Variants in GRIA4 observed in about 807,000 individuals in gnomAD.
The protein encoded by GRIA4 is glutamate ionotropic receptor AMPA type subunit 4, also known as glutamate receptor 4.
In GRIA4, 34 loss-of-function variants were observed where a neutral mutation model predicts 104.0. The ratio of observed to expected loss-of-function variants is 0.33; its 90% confidence interval spans 0.25 to 0.44. The LOEUF is 0.44. Ranked by LOEUF, GRIA4 falls within the 20% of genes least tolerant of loss-of-function variation. The pLI is 1.00. For synonymous variants in GRIA4, 386 were observed against 381.9 expected (o/e 1.01, Z -0.13); for missense variants, 750 against 1,096.5 (o/e 0.68, Z 4.46).
At chr11:105,730,960 G>C (rs1263355205) in intron 3 of GRIA4, among the ~76,000 whole-genome samples, 1 of 152,040 alleles carries the variant, frequency 6.6e-6, no homozygotes, top group Non-Finnish European at 1.5e-5. Context: ...TCAGAACACA[G>C]GCCTGGGCAA....
intron 9 of GRIA4, 69 bp downstream of exon 9, chr11:105,905,370 T>A: frequency 2.4e-6 from 2 of 848,636 alleles, no homozygotes; most frequent in Non-Finnish European, 4.0e-6. Context: ...TTTAAAGGTG[T>A]ACAGAAGAAA....
At chr11:105,969,007 T>C (rs1018526098) in intron 14 of GRIA4, among the ~76,000 whole-genome samples, 1 of 152,200 alleles carries the variant, frequency 6.6e-6, no homozygotes, top group East Asian at 1.9e-4. Flanking sequence ...TTCTATACTT[T>C]ATTCTGCTTC....
intron 6 of GRIA4, among the ~76,000 whole-genome samples, chr11:105,889,927 A>G (rs1591402851): frequency 6.6e-6 from 1 of 152,280 alleles, no homozygotes; most frequent in East Asian, 1.9e-4. Context: ...TACAATTACA[A>G]TTTACAATTA....
At chr11:105,752,920 C>A (rs1422742063) in intron 3 of GRIA4, 61 bp from the exon 4 acceptor site, 10 of 1,520,268 alleles carry the variant, frequency 6.6e-6, no homozygotes, top group Admixed American at 1.7e-5. Context: ...AGAATGTAGA[C>A]TTCAAAGTCA....
intron 6 of GRIA4, among the ~76,000 whole-genome samples, chr11:105,890,539 TC>T (rs1397887334): frequency 6.6e-6 from 1 of 152,240 alleles, no homozygotes; most frequent in Non-Finnish European, 1.5e-5. Flanking sequence ...TCAATCTCCT[TC>T]ATCATTCTAT....
At chr11:105,826,767 T>C (rs1943785161) in intron 4 of GRIA4, among the ~76,000 whole-genome samples, 1 of 152,068 alleles carries the variant, frequency 6.6e-6, no homozygotes, top group Non-Finnish European at 1.5e-5. Flanking sequence ...TGAATCTTCA[T>C]AATACTTTTA....
At chr11:105,720,547 C>G (rs1214088827) in intron 3 of GRIA4, among the ~76,000 whole-genome samples, 1 of 152,128 alleles carries the variant, frequency 6.6e-6, no homozygotes, top group Non-Finnish European at 1.5e-5. Flanking sequence ...CTAAAAAGCG[C>G]AATTTATGAT....
chr11:105,795,397 T>G (rs1308009792), intron 4 of GRIA4, among the ~76,000 whole-genome samples: 1 of 152,170 alleles, frequency 6.6e-6, no homozygotes, highest in Non-Finnish European at 1.5e-5. Context: ...GGAGAAGTCA[T>G]GCCTTGGCTC....
In GRIA4 at chr11:105,666,935, C is replaced by T. The variant is rs562953422; in HGVS notation, c.247+54501C>T. Among the ~76,000 whole-genome samples the T allele has an allele frequency of 3.3e-5, 5 of 151,826 alleles. No homozygotes were observed. The East Asian group carries it at 9.7e-4, about 30-fold the overall frequency. ...TATCTCTGTGGGGTTTTGCAGCACACGGTCTGTGCATACTCTCAAGATCAC... is the reference window on the plus strand; with the variant it reads ...TATCTCTGTGGGGTTTTGCAGCACATGGTCTGTGCATACTCTCAAGATCAC... On this transcript the variant is annotated intron_variant, in intron 3 of 16. Transcript: ENST00000282499.
chr11:105,900,384 T>A (rs1397693571), intron 7 of GRIA4, among the ~76,000 whole-genome samples: 1 of 152,128 alleles, frequency 6.6e-6, no homozygotes, highest in Non-Finnish European at 1.5e-5. Context: ...TCCAAGTGCA[T>A]GATCCTCTGC....
chr11:105,612,715 T>C, intron 3 of GRIA4: 1 of 305,650 alleles, frequency 3.3e-6, no homozygotes, highest in Non-Finnish European at 6.0e-6. Context: ...ATCATTCAAG[T>C]TAAATTTTCC....
intron 4 of GRIA4, among the ~76,000 whole-genome samples, chr11:105,839,665 G>A (rs1020462680): frequency 8.6e-5 from 13 of 151,258 alleles, no homozygotes; most frequent in African/African-American, 2.2e-4. Context: ...CCGAGATTGC[G>A]CCACCGCACC....
chr11:105,692,808 T>C (rs1407284492), intron 3 of GRIA4, among the ~76,000 whole-genome samples: 3 of 152,230 alleles, frequency 2.0e-5, no homozygotes, highest in Non-Finnish European at 4.4e-5. Context: ...AATAACTTAA[T>C]ATAGATTACT....
intron 6 of GRIA4, among the ~76,000 whole-genome samples, chr11:105,893,620 A>T (rs1946533237): frequency 6.6e-6 from 1 of 152,178 alleles, no homozygotes; most frequent in Non-Finnish European, 1.5e-5. Context: ...ACTATTATTT[A>T]TCAGCTAGAC....
intron 3 of GRIA4, among the ~76,000 whole-genome samples, chr11:105,663,476 A>G (rs1490242745): frequency 6.6e-6 from 1 of 152,004 alleles, no homozygotes; most frequent in Non-Finnish European, 1.5e-5. Context: ...AAACGTGAAT[A>G]TATTTTAAAG....
At chr11:105,610,518 G>T (rs535106020) in intron 1 of GRIA4, 90 bp downstream of exon 1, 22 of 157,858 alleles carry the variant, frequency 1.4e-4, no homozygotes, top group Non-Finnish European at 2.6e-4. Flanking sequence ...CAGGAGGGCA[G>T]CGATGCTCCG....
intron 3 of GRIA4, among the ~76,000 whole-genome samples, chr11:105,676,067 G>A (rs1952526210): frequency 6.6e-6 from 1 of 151,680 alleles, no homozygotes; most frequent in South Asian, 2.1e-4. Context: ...TGTAAAATAT[G>A]TTAGGAACAG....
chr11:105,692,216 A>G (rs1214326350), intron 3 of GRIA4, among the ~76,000 whole-genome samples: 1 of 152,056 alleles, frequency 6.6e-6, no homozygotes, highest in Non-Finnish European at 1.5e-5. Context: ...TCAGATCTGC[A>G]TTAGGCACAT....
intron 4 of GRIA4, among the ~76,000 whole-genome samples, chr11:105,850,668 G>T (rs980729036): frequency 6.6e-6 from 1 of 152,146 alleles, no homozygotes; most frequent in African/African-American, 2.4e-5. Flanking sequence ...TGTAATCTTT[G>T]CAATGGTTCT....
Sources: gnomAD v4.1 joint callset for allele counts (sites outside exome capture counted in the v4.1 genomes callset) on GRCh38, gnomAD v4.1.1 for gene constraint, MANE v1.5 for transcripts, NCBI Gene and HGNC (gene_info 2026-07-23, HGNC 2026-07-21) for gene names.